EDAR: variants seen among roughly 807,000 people sequenced by gnomAD.
EDAR encodes the protein ectodysplasin A receptor.
EDAR carries 38 observed loss-of-function variants against 51.3 expected under a neutral mutation model. The observed-to-expected ratio is 0.74, with a 90% CI of 0.57 to 0.97. The LOEUF is 0.97. EDAR is among the 50% of genes least tolerant of loss of function. The pLI, the probability that EDAR is intolerant of heterozygous loss-of-function variation, is 0.00. For missense variants in EDAR, 528 were observed against 595.0 expected (o/e 0.89, Z 1.17); for synonymous variants, 227 against 242.1 (o/e 0.94, Z 0.58).
At chr2:108,988,783 T>A (rs1028105917) in intron 1 of EDAR, among the ~76,000 whole-genome samples, 177 bp downstream of exon 1, 38 of 152,284 alleles carry the variant, frequency 2.5e-4, no homozygotes, top group Non-Finnish European at 2.5e-4. Context: ...AAAGGAACAA[T>A]CTCAGGTCTT....
chr2:108,976,765 G>GTCCCTTA (rs1698329433), intron 1 of EDAR, among the ~76,000 whole-genome samples: 1 of 151,966 alleles, frequency 6.6e-6, no homozygotes, highest in Non-Finnish European at 1.5e-5. Flanking sequence ...TCTTTTAGTT[G>GTCCCTTA]GTTTGTGTGT....
intron 11 of EDAR, among the ~76,000 whole-genome samples, chr2:108,904,441 C>G (rs1168907120): frequency 6.6e-6 from 1 of 152,202 alleles, no homozygotes; most frequent in Non-Finnish European, 1.5e-5. Context: ...TATCATACAA[C>G]CCAACAAATG....
chr2:108,976,184 T>TTA (rs369347211), intron 1 of EDAR, among the ~76,000 whole-genome samples: 18 of 152,324 alleles, frequency 1.2e-4, no homozygotes, highest in African/African-American at 4.1e-4. Context: ...TCACACATCC[T>TTA]TAGGCTCTTC....
chr2:108,912,439 C>T (rs1050699493), intron 6 of EDAR, among the ~76,000 whole-genome samples: 2 of 152,182 alleles, frequency 1.3e-5, no homozygotes, highest in East Asian at 1.9e-4. Flanking sequence ...GCTATGCCCC[C>T]GCCTTCACCA....
At position 108,913,646 on chromosome 2, in the gene EDAR, C is replaced by A. The variant is rs1165054089; in HGVS notation, c.443-882G>T. ...TATAAATATTGTTGTGGGAAGGAGGCTGGTGATAAAAGTGTATGCGATAGC... is the reference window on the plus strand; with the variant it reads ...TATAAATATTGTTGTGGGAAGGAGGATGGTGATAAAAGTGTATGCGATAGC... On this transcript the variant is annotated intron_variant, in intron 5 of 11. Transcript: ENST00000258443. Among the ~76,000 whole-genome samples, 11 of 151,958 alleles carry A rather than the reference C, an allele frequency of 7.2e-5. No homozygotes were observed. The East Asian group carries it at 2.1e-3, about 29-fold the overall frequency.
chr2:108,907,661 AC>A (rs1696837140), intron 10 of EDAR, among the ~76,000 whole-genome samples, 198 bp downstream of exon 10: 4 of 145,950 alleles, frequency 2.7e-5, no homozygotes, highest in East Asian at 2.0e-4. Context: ...AAAAAAAAAA[AC>A]AAAACTCAAA....
At chr2:108,903,730 T>A (rs1696747150) in intron 11 of EDAR, among the ~76,000 whole-genome samples, 1 of 152,200 alleles carries the variant, frequency 6.6e-6, no homozygotes, top group African/African-American at 2.4e-5. Context: ...AAGTTTCATA[T>A]CTTCTATAAA....
intron 4 of EDAR, among the ~76,000 whole-genome samples, chr2:108,926,709 A>G (rs188187226): frequency 1.3e-5 from 2 of 152,274 alleles, no homozygotes; most frequent in Admixed American, 6.5e-5. Context: ...GGTGCTGCTC[A>G]TTGTTCAGCA....
intron 1 of EDAR, among the ~76,000 whole-genome samples, chr2:108,973,961 C>T (rs545093916): frequency 4.1e-4 from 62 of 152,292 alleles, no homozygotes; most frequent in African/African-American, 1.4e-3. Context: ...ACAAAAGGCT[C>T]AACAATCCAC....
intron 1 of EDAR, among the ~76,000 whole-genome samples, chr2:108,933,624 C>G (rs1162110884): frequency 6.6e-6 from 1 of 152,206 alleles, no homozygotes; most frequent in African/African-American, 2.4e-5. Context: ...TTCCCACACA[C>G]TGCCTGCACT....
chr2:108,973,945 T>C (rs1172162571), intron 1 of EDAR, among the ~76,000 whole-genome samples: 1 of 152,178 alleles, frequency 6.6e-6, no homozygotes, highest in African/African-American at 2.4e-5. Context: ...AGCATCACCT[T>C]TGTTCACAAA....
intron 1 of EDAR, among the ~76,000 whole-genome samples, chr2:108,986,072 G>C (rs1698492127): frequency 6.6e-6 from 1 of 152,124 alleles, no homozygotes; most frequent in Admixed American, 6.5e-5. Context: ...GACACTCTAA[G>C]GGCAATGATG....
chr2:108,911,666 T>C (rs941270515), intron 6 of EDAR, among the ~76,000 whole-genome samples: 2 of 152,200 alleles, frequency 1.3e-5, no homozygotes, highest in Admixed American at 1.3e-4. Context: ...ATGTCGACCC[T>C]GGATGCATAA....
At chr2:108,946,900 T>C (rs1697724367) in intron 1 of EDAR, among the ~76,000 whole-genome samples, 1 of 151,886 alleles carries the variant, frequency 6.6e-6, no homozygotes, top group Non-Finnish European at 1.5e-5. Context: ...TCTCATCTTT[T>C]TTTTCACATT....
chr2:108,952,497 C>T (rs1697844966), intron 1 of EDAR, among the ~76,000 whole-genome samples: 2 of 152,216 alleles, frequency 1.3e-5, no homozygotes, highest in African/African-American at 4.8e-5. Context: ...GCCTCCAATA[C>T]ATTGTAAAGC....
At chr2:108,961,517 C>T (rs542467436) in intron 1 of EDAR, among the ~76,000 whole-genome samples, 1 of 152,316 alleles carries the variant, frequency 6.6e-6, no homozygotes, top group East Asian at 1.9e-4. Context: ...TCCTGGTTCC[C>T]GCTGCCTACA....
In EDAR at chr2:108,930,156, C is replaced by T. The variant is rs964021541; in HGVS notation, c.138G>A (p.Glu46=). Residue 46 remains glutamate, a synonymous_variant, in exon 3 of 12, where the codon GAG becomes GAA. Coordinates refer to ENST00000258443, the MANE Select transcript of EDAR (RefSeq NM_022336.4). ...YYNQTTGLCQ[E]CPPCGPGEEP... ...CCTCTCCCGGCCCACACGGGGGGCA[C>T]TCCTGGCACAGCCCCGTAGTCTGGT... 3 of 1,613,930 alleles carry T rather than the reference C, an allele frequency of 1.9e-6. No homozygotes were observed. In the African/African-American group the frequency reaches 4.0e-5, roughly 22 times the overall value.
intron 1 of EDAR, among the ~76,000 whole-genome samples, chr2:108,937,799 C>T (rs997932531): frequency 1.3e-5 from 2 of 152,086 alleles, no homozygotes; most frequent in Admixed American, 1.3e-4. Flanking sequence ...CAAACCCAGA[C>T]AGGCCCCATG....
At chr2:108,907,733 C>T (rs1192499233) in intron 10 of EDAR, 127 bp downstream of exon 10, 1 of 1,086,290 alleles carries the variant, frequency 9.2e-7, no homozygotes, top group East Asian at 2.4e-5. Context: ...GTCCAGGTCT[C>T]CTATCTTGGA....
Sources: gnomAD v4.1 joint callset for allele counts (sites outside exome capture counted in the v4.1 genomes callset) on GRCh38, gnomAD v4.1.1 for gene constraint, MANE v1.5 for transcripts, NCBI Gene and HGNC (gene_info 2026-07-23, HGNC 2026-07-21) for gene names.